Variants in SEZ6L observed in about 807,000 individuals in gnomAD.
The protein encoded by SEZ6L is seizure related 6 homolog like, also known as seizure 6-like protein.
A neutral mutation model predicts 106.2 loss-of-function variants in SEZ6L; 37 were observed. The ratio of observed to expected loss-of-function variants is 0.35; its 90% CI spans 0.27 to 0.46. SEZ6L has a LOEUF of 0.46. Among genes scored for constraint, SEZ6L ranks in the 20% least tolerant of loss-of-function variants. The probability of loss-of-function intolerance (pLI) is 1.00; values close to 1 mark genes in which losing one functional copy is unlikely to be tolerated. For missense variants in SEZ6L, 1,172 were observed against 1,332.8 expected (o/e 0.88, Z 1.88); for synonymous variants, 541 against 570.4 (o/e 0.95, Z 0.73).
At chr22:26,237,876 C>G (rs1420923032) in intron 1 of SEZ6L, among the ~76,000 whole-genome samples, 2 of 152,062 alleles carry the variant, frequency 1.3e-5, no homozygotes, top group Non-Finnish European at 2.9e-5. Flanking sequence ...TAAGTGTACA[C>G]CTAGTTACAG....
At chr22:26,348,644 GAAAA>G (rs374096936) in intron 11 of SEZ6L, among the ~76,000 whole-genome samples, 2 of 12,122 alleles carry the variant, frequency 1.6e-4, no homozygotes, top group Non-Finnish European at 2.6e-4. Context: ...AAGAAAGAAA[GAAAA>G]AGAAAGAAAG....
At chr22:26,210,528 G>T (rs923851691) in intron 1 of SEZ6L, among the ~76,000 whole-genome samples, 3 of 152,130 alleles carry the variant, frequency 2.0e-5, no homozygotes, top group East Asian at 1.9e-4. Flanking sequence ...ATGTAATTCC[G>T]ATGTCAGTGA....
intron 1 of SEZ6L, among the ~76,000 whole-genome samples, chr22:26,199,181 C>T (rs1194102070): frequency 2.0e-5 from 3 of 152,080 alleles, no homozygotes; most frequent in Non-Finnish European, 4.4e-5. Flanking sequence ...GAAAATTAGC[C>T]CATTACCAAT....
intron 10 of SEZ6L, among the ~76,000 whole-genome samples, chr22:26,345,726 G>A (rs946347170): frequency 7.2e-5 from 11 of 152,162 alleles, no homozygotes; most frequent in African/African-American, 2.2e-4. Flanking sequence ...TGCAGACAGC[G>A]GAGGTGCTCT....
chr22:26,250,920 G>C (rs780474145), intron 1 of SEZ6L, among the ~76,000 whole-genome samples: 2 of 152,054 alleles, frequency 1.3e-5, no homozygotes, highest in Non-Finnish European at 2.9e-5. Flanking sequence ...TTTTGAGGTA[G>C]CTATTGTAAA....
rs570867274 is a variant in SEZ6L at position 26,243,904 on chromosome 22, G to A, written c.95-48502G>A. On this transcript the variant is annotated intron_variant, in intron 1 of 16. Coordinates refer to ENST00000248933, the MANE Select transcript of SEZ6L (RefSeq NM_021115.5). ...GAGACCTGGCGTGGTGGCTCACACC[G>A]GTAATCCCAGCACTTTGGGAGGCCG... Among the ~76,000 whole-genome samples, 75 of 152,092 alleles carry A rather than the reference G, an allele frequency of 4.9e-4. No individual in the cohort carries two copies. In the Middle Eastern group the frequency reaches 0.01, roughly 21 times the overall value.
At chr22:26,176,966 C>T (rs900613441) in intron 1 of SEZ6L, among the ~76,000 whole-genome samples, 4 of 152,162 alleles carry the variant, frequency 2.6e-5, no homozygotes, top group Non-Finnish European at 5.9e-5. Context: ...TTACATAACT[C>T]CCTCCCCCTA....
intron 5 of SEZ6L, among the ~76,000 whole-genome samples, chr22:26,304,250 G>C (rs1013195505): frequency 6.6e-6 from 1 of 151,896 alleles, no homozygotes; most frequent in Admixed American, 6.6e-5. Context: ...TACTCAGGAG[G>C]CTGAGGCAGG....
intron 12 of SEZ6L, among the ~76,000 whole-genome samples, chr22:26,354,339 G>A (rs2083371017): frequency 6.6e-6 from 1 of 152,204 alleles, no homozygotes; most frequent in Non-Finnish European, 1.5e-5. Flanking sequence ...GGGTGACAGA[G>A]GGAGAGATTA....
intron 1 of SEZ6L, among the ~76,000 whole-genome samples, chr22:26,220,963 G>A (rs2078451726): frequency 7.7e-6 from 1 of 129,240 alleles, no homozygotes; most frequent in Non-Finnish European, 1.7e-5. Context: ...TGATTGGAGG[G>A]AAGGAAGAAA....
intron 1 of SEZ6L, among the ~76,000 whole-genome samples, chr22:26,252,274 T>C (rs980448294): frequency 6.6e-6 from 1 of 152,372 alleles, no homozygotes; most frequent in East Asian, 1.9e-4. Flanking sequence ...ATTTAGTTTT[T>C]CAGTGATTTA....
chr22:26,218,592 A>G (rs1011748075), intron 1 of SEZ6L, among the ~76,000 whole-genome samples: 1 of 152,258 alleles, frequency 6.6e-6, no homozygotes, highest in African/African-American at 2.4e-5. Flanking sequence ...ACTTGAGGTC[A>G]GGAGTTCAAG....
intron 1 of SEZ6L, among the ~76,000 whole-genome samples, chr22:26,202,973 C>T (rs546730559): frequency 6.6e-6 from 1 of 152,232 alleles, no homozygotes; most frequent in East Asian, 1.9e-4. Flanking sequence ...TATTGCAGAC[C>T]ACTTTTATTT....
At chr22:26,175,361 A>G (rs551551735) in intron 1 of SEZ6L, among the ~76,000 whole-genome samples, 1 of 152,310 alleles carries the variant, frequency 6.6e-6, no homozygotes, top group East Asian at 1.9e-4. Flanking sequence ...TAACAATATC[A>G]TTTCATTTTA....
intron 1 of SEZ6L, among the ~76,000 whole-genome samples, chr22:26,220,706 C>T (rs2078439129): frequency 6.6e-6 from 1 of 152,196 alleles, no homozygotes; most frequent in South Asian, 2.1e-4. Flanking sequence ...AATCCCCTGC[C>T]TGTCCCTCCC....
intron 13 of SEZ6L, among the ~76,000 whole-genome samples, chr22:26,367,596 G>A (rs1312724264): frequency 6.6e-6 from 1 of 151,932 alleles, no homozygotes; most frequent in Non-Finnish European, 1.5e-5. Flanking sequence ...CTCCCACCTC[G>A]GCCTCCCAAA....
chr22:26,275,080 A>G (rs1224660394), intron 1 of SEZ6L, among the ~76,000 whole-genome samples: 1 of 152,212 alleles, frequency 6.6e-6, no homozygotes, highest in Non-Finnish European at 1.5e-5. Context: ...AGCCAAGCTC[A>G]AGGGCCAAAC....
intron 5 of SEZ6L, among the ~76,000 whole-genome samples, chr22:26,300,719 G>A (rs1206446564): frequency 2.0e-5 from 3 of 152,334 alleles, no homozygotes; most frequent in East Asian, 3.9e-4. Flanking sequence ...AGATCCCTGA[G>A]GAATCGCCAC....
Position 26,310,816 on chromosome 22 carries a change from C to G in SEZ6L, c.1661C>G (p.Thr554Ser). Reference protein sequence around the residue: ...FTSDQARAASTFNIRFEAFEK... With the variant: ...FTSDQARAASSFNIRFEAFEK... ...TCCGACCAGGCCCGGGCGGCCTCCACCTTCAACATCCGATTTGAAGGTGAG... is the reference window on the plus strand; with the variant it reads ...TCCGACCAGGCCCGGGCGGCCTCCAGCTTCAACATCCGATTTGAAGGTGAG... The change falls in exon 7 of 17, where the codon ACC becomes AGC. Residue 554 changes from threonine to serine, a missense_variant. Coordinates refer to ENST00000248933, the MANE Select transcript of SEZ6L (RefSeq NM_021115.5). 6.2e-7 allele frequency: 1 copy of G among 1,614,050 alleles called. No homozygotes were observed. Among genetic ancestry groups the G allele is most frequent in the Non-Finnish European group, 8.5e-7 (1 of 1,180,002 alleles).
Sources: gnomAD v4.1 joint callset for allele counts (sites outside exome capture counted in the v4.1 genomes callset) on GRCh38, gnomAD v4.1.1 for gene constraint, MANE v1.5 for transcripts, NCBI Gene and HGNC (gene_info 2026-07-23, HGNC 2026-07-21) for gene names.